SHANK1: variants seen among roughly 807,000 people sequenced by gnomAD.
The protein encoded by SHANK1 is SH3 and multiple ankyrin repeat domains protein 1.
SHANK1 carries 35 observed loss-of-function variants against 165.6 expected under a neutral mutation model. That is an observed-to-expected ratio of 0.21 (90% CI 0.16 to 0.28). The LOEUF is 0.28. SHANK1 is among the 10% of genes least tolerant of loss of function. The pLI is 1.00. For missense variants in SHANK1, 2,681 were observed against 3,036.4 expected (o/e 0.88, Z 2.75); for synonymous variants, 1,428 against 1,384.8 (o/e 1.03, Z -0.69).
chr19:50,689,177 C>A lies in SHANK1; in HGVS notation c.2047+20G>T. ...GGGTCACAGAGCCCTTCTCCCATCCCCTCCCCGGCTGGCACTCACCCTTGG... is the reference window on the plus strand; with the variant it reads ...GGGTCACAGAGCCCTTCTCCCATCCACTCCCCGGCTGGCACTCACCCTTGG... On this transcript the variant is annotated intron_variant, in intron 16 of 23. Transcript: ENST00000293441. 1.3e-6 allele frequency: 2 copies of A among 1,588,826 alleles called. No individual in the cohort carries two copies. The highest frequency in any genetic ancestry group is 1.7e-6 in the Non-Finnish European group (2 of 1,158,220).
intron 10 of SHANK1, 126 bp downstream of exon 10, chr19:50,703,994 T>C (rs1254417461): frequency 1.0e-6 from 1 of 978,898 alleles, no homozygotes; most frequent in African/African-American, 1.6e-5. Flanking sequence ...TCCAGACATT[T>C]TTGGTCCTCT....
rs771493095 is a variant in SHANK1 at position 50,661,943 on chromosome 19, G to C, written c.*22C>G. 9 of 1,612,634 alleles carry C rather than the reference G, an allele frequency of 5.6e-6. No individual in the cohort carries two copies. The highest frequency in any genetic ancestry group is 6.8e-6 in the Non-Finnish European group (8 of 1,179,464). On this transcript the variant is annotated 3_prime_UTR_variant, in exon 24 of 24. Transcript: ENST00000293441. ...CAGGCTCAAGAGTTCTGTGGACGGG[G>C]CTGGTCCGTCCAGGCCAGCCATCAC... is the stretch of plus-strand genomic sequence containing the variant.
At chr19:50,712,734 G>A (rs898630029) in intron 6 of SHANK1, among the ~76,000 whole-genome samples, 3 of 151,844 alleles carry the variant, frequency 2.0e-5, no homozygotes, top group African/African-American at 7.2e-5. Flanking sequence ...GCCTGTAGCA[G>A]TGCCACCCAA....
rs2089082014 is a variant in SHANK1, at chr19:50,717,287, T to G, written c.-43-325A>C. ...GAAACCGCAGAATCACCGCGGGAGC[T>G]ACTGGCCCACTTTGCCAGGCCACAG... On this transcript the variant is annotated intron_variant, in intron 1 of 23. Transcript: ENST00000293441. This position sits in a 1 kb window ranked among gnomAD's most constrained non-coding sequence, Gnocchi z 5.5. Among the ~76,000 whole-genome samples, 1 of 152,190 alleles carries G rather than the reference T, an allele frequency of 6.6e-6. No homozygotes were observed. Among genetic ancestry groups the G allele is most frequent in the East Asian group, 1.9e-4 (1 of 5,180 alleles).
chr19:50,666,466 A>C lies in SHANK1; in HGVS notation c.5494T>G (p.Ser1832Ala), dbSNP rs540106306. 1 of 1,605,162 alleles carries C rather than the reference A, an allele frequency of 6.2e-7. No homozygotes were observed. Among genetic ancestry groups the C allele is most frequent in the East Asian group, 2.2e-5 (1 of 44,698 alleles). The change falls in exon 23 of 24, where the codon TCT becomes GCT. Residue 1832 changes from serine to alanine, a missense_variant. Physicochemically the swap from Ser to Ala is moderately conservative, Grantham distance 99. Around this residue, in one of 10 missense-constraint regions of SHANK1, gnomAD observed 1,713 missense variants for 1,630.2 expected, o/e 1.05. Coordinates refer to ENST00000293441, the MANE Select transcript of SHANK1 (RefSeq NM_016148.5). ...VPPVPLPTAS[S>A]LPRKLLPWEE... The stretch of plus-strand genomic sequence containing the variant: ...CAGGGCAGCAGCTTCCGGGGCAGAG[A>C]GGAGGCCGTCGGCAAGGGCACCGGT...
At chr19:50,687,806 C>T (rs929380381) in intron 18 of SHANK1, 117 bp downstream of exon 18, 2 of 1,425,306 alleles carry the variant, frequency 1.4e-6, no homozygotes, top group East Asian at 2.4e-5. Flanking sequence ...CCACAAGGGT[C>T]ACGGAGAAGC....
At chr19:50,711,890 G>T in intron 7 of SHANK1, 57 bp downstream of exon 7, 1 of 1,599,866 alleles carries the variant, frequency 6.3e-7, no homozygotes, top group Non-Finnish European at 8.6e-7. Context: ...CAGCCCCTTG[G>T]ATGCCTCAGG....
rs3987747 is a variant in SHANK1, at chr19:50,672,555, CAAAAAAAAA to C, written c.2578-450_2578-442del. 3.1e-4 allele frequency among the ~76,000 whole-genome samples: 11 copies of C among 35,508 alleles called. 1 individual carries two copies. In the East Asian group the frequency reaches 3.3e-3, roughly 11 times the overall value. 23.3% of individuals were successfully genotyped at this position (35,508 alleles called of 152,430 possible). A position where few individuals can be genotyped will look rare whatever the true frequency, so the allele number is the denominator to read the frequency against. On this transcript the variant is annotated intron_variant, in intron 21 of 23. Transcript: ENST00000293441. ...TGGGCGACAGAGCCAGACTCTGTCT[CAAAAAAAAA>C]AAAAAAAAAAAAAAAAGAAAAGAAG...
chr19:50,674,130 C>A (rs1467389253), intron 21 of SHANK1, among the ~76,000 whole-genome samples: 1 of 151,012 alleles, frequency 6.6e-6, no homozygotes, highest in East Asian at 1.9e-4. Context: ...GGCAAAAGTG[C>A]CTAAGGTTCA....
Position 50,662,701 on chromosome 19 carries a change from G to C in SHANK1, c.5769-19C>G, listed in dbSNP as rs377048275. ...GGAGAGTCTGGAATGTGACAAGGGG[G>C]CAGTGGGGGAGGACAGGGATTTAGG... is the stretch of plus-strand genomic sequence containing the variant. On this transcript the variant is annotated intron_variant, in intron 23 of 23. Coordinates refer to ENST00000293441, the MANE Select transcript of SHANK1 (RefSeq NM_016148.5). The surrounding 1 kb of genome is among the most constrained non-coding windows in gnomAD (Gnocchi z 7.7). 540 of 1,556,766 alleles carry C rather than the reference G, an allele frequency of 3.5e-4. No homozygotes were observed. The highest frequency in any genetic ancestry group is 8.9e-4 in the Admixed American group (46 of 51,428).
At chr19:50,687,394 G>C (rs917805576) in intron 19 of SHANK1, among the ~76,000 whole-genome samples, 188 bp downstream of exon 19, 1 of 152,046 alleles carries the variant, frequency 6.6e-6, no homozygotes, top group Non-Finnish European at 1.5e-5. Flanking sequence ...GAGCACAGAG[G>C]AAAGTCGTCT....
Position 50,666,371 on chromosome 19 carries a change from C to A in SHANK1, c.5589G>T (p.Leu1863Phe). 6.2e-7 allele frequency: 1 copy of A among 1,613,774 alleles called. No homozygotes were observed. Among genetic ancestry groups the A allele is most frequent in the Non-Finnish European group, 8.5e-7 (1 of 1,179,946 alleles). Residue 1863 changes from leucine (L) to phenylalanine (F), a missense_variant, in exon 23 of 24, where the codon TTG (leucine) becomes TTT (phenylalanine). By Grantham distance (22) the Leu-to-Phe change is conservative. Transcript: ENST00000293441. Reference protein sequence around the residue: ...GPLAQPQASALATVKASIISE... With the variant: ...GPLAQPQASAFATVKASIISE... ...TGATGATGCTGGCTTTTACTGTGGC[C>A]AAGGCTGAGGCCTGAGGCTGGGCCA...
At chr19:50,708,896 C>A (rs2088975582) in intron 8 of SHANK1, among the ~76,000 whole-genome samples, 1 of 152,180 alleles carries the variant, frequency 6.6e-6, no homozygotes, top group Non-Finnish European at 1.5e-5. Flanking sequence ...GTGCTCACAG[C>A]CTAGACACGG....
At chr19:50,671,411 C>A (rs1985788771) in intron 22 of SHANK1, among the ~76,000 whole-genome samples, 1 of 151,278 alleles carries the variant, frequency 6.6e-6, no homozygotes, top group African/African-American at 2.4e-5. Flanking sequence ...TCTCGATCTC[C>A]TGACCTTGTG....
chr19:50,714,489 C>T (rs144183633), intron 4 of SHANK1, among the ~76,000 whole-genome samples, 199 bp from the exon 5 acceptor site: 448 of 152,116 alleles, frequency 2.9e-3, no homozygotes, highest in African/African-American at 9.8e-3. Flanking sequence ...CCCAGGGGTT[C>T]GAGACCAGCC....
In SHANK1 at chr19:50,670,008, A is replaced by T. The variant is rs1419807215; in HGVS notation, c.2675-723T>A. Among the ~76,000 whole-genome samples the T allele has an allele frequency of 6.6e-6, 1 of 152,106 alleles. No individual in the cohort carries two copies. Among genetic ancestry groups the T allele is most frequent in the Non-Finnish European group, 1.5e-5 (1 of 68,012 alleles). ...TCCCTCTCAACTAGTGACCAGCTTC[A>T]TTCACTGCCTTTCTGCTGTCGACGC... On this transcript the variant is annotated intron_variant, in intron 22 of 23. Coordinates refer to ENST00000293441, the MANE Select transcript of SHANK1 (RefSeq NM_016148.5). This position sits in a 1 kb window ranked among gnomAD's most constrained non-coding sequence, Gnocchi z 4.1.
Position 50,667,899 on chromosome 19 carries a change from C to T in SHANK1, c.4061G>A (p.Gly1354Glu). The T allele has an allele frequency of 7.5e-7, 1 of 1,336,914 alleles. No homozygotes were observed. Among genetic ancestry groups the T allele is most frequent in the Non-Finnish European group, 9.5e-7 (1 of 1,048,304 alleles). The allele number at this position is 1,336,914 out of a possible 1,614,324, so 82.8% of individuals were successfully genotyped here. Residue 1354 changes from glycine (G) to glutamate (E), a missense_variant, in exon 23 of 24, where the codon GGG becomes GAG. Physicochemically the swap from Gly to Glu is moderately conservative, Grantham distance 98. Coordinates refer to ENST00000293441, the MANE Select transcript of SHANK1 (RefSeq NM_016148.5). This position sits in a 1 kb window ranked among gnomAD's most constrained non-coding sequence, Gnocchi z 5.7. ...GKALDPASPL[G>E]LALAARERAL... ...TCGCTCGCGGGCGGCCAGGGCCAGC[C>T]CCAGCGGGGAGGCGGGATCCAGGGC... is the stretch of plus-strand genomic sequence containing the variant.
rs1352453472 is a variant in SHANK1 at position 50,670,478 on chromosome 19, A to G, written c.2675-1193T>C. Among the ~76,000 whole-genome samples the G allele has an allele frequency of 1.3e-5, 2 of 152,174 alleles. No individual in the cohort carries two copies. Among genetic ancestry groups the G allele is most frequent in the African/African-American group, 4.8e-5 (2 of 41,452 alleles). Reference sequence around the variant, plus strand: ...TCAATCTAGTCCCTTCACAGCAGCCAGAGGGTTTCTGTTAAAACCGAAGTC... The same window carrying G: ...TCAATCTAGTCCCTTCACAGCAGCCGGAGGGTTTCTGTTAAAACCGAAGTC... On this transcript the variant is annotated intron_variant, in intron 22 of 23. Coordinates refer to ENST00000293441, the MANE Select transcript of SHANK1 (RefSeq NM_016148.5). This position sits in a 1 kb window ranked among gnomAD's most constrained non-coding sequence, Gnocchi z 4.1.
At chr19:50,706,812 T>C (rs989479337) in intron 8 of SHANK1, among the ~76,000 whole-genome samples, 2 of 151,998 alleles carry the variant, frequency 1.3e-5, no homozygotes, top group African/African-American at 4.8e-5. Context: ...AGTTTCGCTC[T>C]TGTCACCCAG....
Sources: gnomAD v4.1 joint callset for allele counts (sites outside exome capture counted in the v4.1 genomes callset) on GRCh38, gnomAD v4.1.1 for gene constraint, gnomAD v4.1.1 regional missense constraint, Gnocchi (gnomAD v3.1) non-coding constraint, MANE v1.5 for transcripts, NCBI Gene and HGNC (gene_info 2026-07-23, HGNC 2026-07-21) for gene names.